The following ORC6 variants were observed in gnomAD, a reference collection of about 807,000 sequenced individuals.
The protein encoded by ORC6 is origin recognition complex subunit 6.
Under a neutral mutation model 30.0 loss-of-function variants are expected in ORC6, and 31 were observed. The observed-to-expected ratio is 1.03, with a 90% confidence interval of 0.78 to 1.40. ORC6 has a LOEUF of 1.40. Ranked by LOEUF, ORC6 falls within the 40% of genes most tolerant of loss-of-function variation. ORC6 has a pLI of 0.00. For synonymous variants in ORC6, 136 were observed against 111.2 expected, an observed-to-expected ratio of 1.22 and a Z score of -1.40; for missense variants, 340 against 304.3, an observed-to-expected ratio of 1.12 and a Z score of -0.87.
chr16:46,691,282 A>G (rs370956951), intron 2 of ORC6, among the ~76,000 whole-genome samples, 162 bp downstream of exon 2: 6 of 152,220 alleles, frequency 3.9e-5, no homozygotes, highest in African/African-American at 1.4e-4. Context: ...GCATTGGAAA[A>G]TATTTTTTTG....
At chr16:46,691,844 ACTTTC>A (rs1555467305) in intron 2 of ORC6, among the ~76,000 whole-genome samples, 7 of 151,824 alleles carry the variant, frequency 4.6e-5, no homozygotes. Context: ...TTACATTGAA[ACTTTC>A]CTTAAGTCTC....
chr16:46,692,761 G>C (rs1317592125), intron 3 of ORC6, among the ~76,000 whole-genome samples: 1 of 152,136 alleles, frequency 6.6e-6, no homozygotes, highest in South Asian at 2.1e-4. Context: ...CCAGCTACTC[G>C]GGAGGCTGTG....
In ORC6 at chr16:46,691,958, A is replaced by ACACACACTCACTCTCTCTCTCTCTCT; in HGVS notation, c.196-423_196-422insACACACTCACTCTCTCTCTCTCTCTC. Reference sequence around the variant, plus strand: ...CACACACACACACACACACACACACACTCTCTCTCTCTCTCTCTCTCTCAC... The same window carrying ACACACACTCACTCTCTCTCTCTCTCT: ...CACACACACACACACACACACACACACACACACTCACTCTCTCTCTCTCTCTCTCTCTCTCTCTCTCTCTCTCTCAC... On this transcript the variant is annotated intron_variant, in intron 2 of 6. Transcript: ENST00000219097. Among the ~76,000 whole-genome samples the ACACACACTCACTCTCTCTCTCTCTCT allele has an allele frequency of 1.4e-4, 5 of 36,660 alleles. No individual in the cohort carries two copies. In the East Asian group the frequency reaches 2.7e-3, roughly 19 times the overall value. 24.1% of individuals were successfully genotyped at this position (36,660 alleles called of 152,430 possible). A position where few individuals can be genotyped will look rare whatever the true frequency, so the allele number is the denominator to read the frequency against.
chr16:46,695,551 T>A lies in ORC6; in HGVS notation c.450-11T>A, dbSNP rs773549963. 3 of 1,558,660 alleles carry A rather than the reference T, an allele frequency of 1.9e-6. No homozygotes were observed. The highest frequency in any genetic ancestry group is 2.7e-6 in the Non-Finnish European group (3 of 1,129,634). ...GTCTTGAGAAAAGCAACTTATGAAA[T>A]TGTTTTGTAGGATTCTAAAGCTGAA... On this transcript the variant is annotated splice_polypyrimidine_tract_variant and intron_variant, in intron 4 of 6. Coordinates refer to ENST00000219097, the MANE Select transcript of ORC6 (RefSeq NM_014321.4).
intron 2 of ORC6, among the ~76,000 whole-genome samples, chr16:46,691,346 A>G (rs1385849055): frequency 1.3e-5 from 2 of 152,212 alleles, no homozygotes; most frequent in Non-Finnish European, 2.9e-5. Flanking sequence ...TCTCGGCTAG[A>G]GGCCATCTTC....
chr16:46,696,243 A>C (rs535495987), intron 6 of ORC6, 158 bp downstream of exon 6: 1 of 686,442 alleles, frequency 1.5e-6, no homozygotes, highest in Non-Finnish European at 2.7e-6. Context: ...AATGGAAGTA[A>C]CATCGTTATT....
At chr16:46,691,983 C>CTCTCTCTCTCT (rs1357880671) in intron 2 of ORC6, among the ~76,000 whole-genome samples, 47 of 148,786 alleles carry the variant, frequency 3.2e-4, no homozygotes, top group Non-Finnish European at 4.9e-4. Flanking sequence ...CTCTCTCTCA[C>CTCTCTCTCTCT]CACCCCGCCC....
chr16:46,694,539 GC>G (rs1433411446), intron 4 of ORC6: 1 of 141,598 alleles, frequency 7.1e-6, no homozygotes, highest in African/African-American at 2.6e-5. Flanking sequence ...CGGGCGGGGG[GC>G]TGACCCCCCC....
intron 4 of ORC6, chr16:46,695,334 T>C: frequency 1.9e-6 from 1 of 527,724 alleles, no homozygotes; most frequent in Non-Finnish European, 3.4e-6. Flanking sequence ...GCAAATGTCT[T>C]TTATGTGCCC....
chr16:46,690,850 T>C (rs1419176811), intron 1 of ORC6, 141 bp from the exon 2 acceptor site: 2 of 806,284 alleles, frequency 2.5e-6, no homozygotes, highest in Non-Finnish European at 4.3e-6. Flanking sequence ...CCAGAGGATA[T>C]GACCTTCATT....
rs376848010 is a variant in ORC6 at position 46,695,604 on chromosome 16, A to G, written c.492A>G (p.Thr164=). The G allele has an allele frequency of 3.4e-5, 55 of 1,613,804 alleles. No homozygotes were observed. Among genetic ancestry groups the G allele is most frequent in the Non-Finnish European group, 4.2e-5 (50 of 1,179,790 alleles). The part of the protein sequence containing the change: ...LKVDKNKMVA[T]SGVKKAIFDR... ...TGGATAAAAACAAAATGGTAGCCAC[A>G]TCCGGTGTAAAAAAAGCTATATTTG... The change falls in exon 5 of 7, where the codon ACA becomes ACG. Residue 164 remains threonine (T), a synonymous_variant. Coordinates refer to ENST00000219097, the MANE Select transcript of ORC6 (RefSeq NM_014321.4).
chr16:46,697,489 A>G lies in ORC6; in HGVS notation c.663A>G (p.Lys221=). The change falls in exon 7 of 7, where the codon AAA becomes AAG. Residue 221 remains lysine, a synonymous_variant. Transcript: ENST00000219097. ...AGAAGGTAGAGGAGATGCCACATAA[A>G]CCACAGAAAGATGAAGATCTGACAC... ...EMEKVEEMPH[K]PQKDEDLTQD... 6.2e-7 allele frequency: 1 copy of G among 1,613,748 alleles called. No individual in the cohort carries two copies. The highest frequency in any genetic ancestry group is 8.5e-7 in the Non-Finnish European group (1 of 1,179,646).
intron 4 of ORC6, among the ~76,000 whole-genome samples, chr16:46,694,762 CTA>C (rs957563823): frequency 6.6e-6 from 1 of 151,606 alleles, no homozygotes; most frequent in Non-Finnish European, 1.5e-5. Flanking sequence ...TGTGGGTTAT[CTA>C]TGTGTATGCT....
At chr16:46,693,847 TTTTTA>T (rs1357784957) in intron 4 of ORC6, 13 of 5,388 alleles carry the variant, frequency 2.4e-3, no homozygotes, top group African/African-American at 3.5e-3. Flanking sequence ...TTTATTTTTA[TTTTTA>T]TTTTTTTTTT....
rs770384358 is a variant in ORC6, at chr16:46,691,049, A to T, written c.124A>T (p.Thr42Ser). The T allele has an allele frequency of 6.8e-6, 11 of 1,614,016 alleles. No individual in the cohort carries two copies. The Admixed American group carries it at 1.8e-4, about 27-fold the overall frequency. The change falls in exon 2 of 7, where the codon ACC becomes TCC. Residue 42 changes from threonine (T) to serine (S), a missense_variant. By Grantham distance (58) the Thr-to-Ser change is moderately conservative. Transcript: ENST00000219097. ...RVKCVGLSAR[T>S]TETSSAVMCL... is the part of the protein sequence containing the mutation. Reference sequence around the variant, plus strand: ...GAAGTGTGTCGGCCTCTCCGCACGCACCACGGAGACCAGCAGTGCAGTCAT... The same window carrying T: ...GAAGTGTGTCGGCCTCTCCGCACGCTCCACGGAGACCAGCAGTGCAGTCAT...
intron 3 of ORC6, 114 bp downstream of exon 3, chr16:46,692,659 G>C: frequency 1.1e-6 from 1 of 877,734 alleles, no homozygotes; most frequent in Non-Finnish European, 1.9e-6. Context: ...CATGTGGTCA[G>C]GAGTTCAAGA....
At chr16:46,689,841 G>A in intron 1 of ORC6, 71 bp downstream of exon 1, 1 of 1,484,576 alleles carries the variant, frequency 6.7e-7, no homozygotes, top group Non-Finnish European at 8.9e-7. Flanking sequence ...TGAGGCCCGC[G>A]CCCTTCCCAG....
At chr16:46,690,241 G>A (rs1334810457) in intron 1 of ORC6, among the ~76,000 whole-genome samples, 1 of 152,192 alleles carries the variant, frequency 6.6e-6, no homozygotes, top group Non-Finnish European at 1.5e-5. Context: ...AAAAGCAGGC[G>A]CCGTTCCCGC....
chr16:46,693,183 G>A lies in ORC6; in HGVS notation c.449+1G>A, dbSNP rs1162535633. ...CTGCTGCACTGCTTTCAGCATGCAAGTAGGTATTTCATTAAACATTCAGAA... is the reference window on the plus strand; with the variant it reads ...CTGCTGCACTGCTTTCAGCATGCAAATAGGTATTTCATTAAACATTCAGAA... On this transcript the variant is annotated splice_donor_variant, in intron 4 of 6. Coordinates refer to ENST00000219097, the MANE Select transcript of ORC6 (RefSeq NM_014321.4). LOFTEE classifies it high-confidence loss of function. 2 of 1,598,642 alleles carry A rather than the reference G, an allele frequency of 1.3e-6. No individual in the cohort carries two copies. Among genetic ancestry groups the A allele is most frequent in the Non-Finnish European group, 8.6e-7 (1 of 1,166,002 alleles).
Sources: gnomAD v4.1 joint callset for allele counts (sites outside exome capture counted in the v4.1 genomes callset) on GRCh38, gnomAD v4.1.1 for gene constraint, MANE v1.5 for transcripts, NCBI Gene and HGNC (gene_info 2026-07-23, HGNC 2026-07-21) for gene names.